The following CMIP variants were observed in gnomAD, a reference collection of about 807,000 sequenced individuals.
CMIP encodes the protein C-Maf-inducing protein.
A neutral mutation model predicts 97.3 loss-of-function variants in CMIP; 13 were observed. The ratio of observed to expected loss-of-function variants is 0.13; its 90% CI spans 0.09 to 0.21. The LOEUF is 0.21. Among genes scored for constraint, CMIP ranks in the 10% least tolerant of loss-of-function variants. The pLI is 1.00. For missense variants in CMIP, 847 were observed against 1,024.9 expected (o/e 0.83, Z 2.37); for synonymous variants, 538 against 436.3 (o/e 1.23, Z -2.91).
chr16:81,663,456 C>G (rs765676402), intron 6 of CMIP, among the ~76,000 whole-genome samples: 8 of 152,110 alleles, frequency 5.3e-5, no homozygotes, highest in Non-Finnish European at 1.2e-4. Context: ...GTAAAATGAT[C>G]GGTGGTTGCC....
chr16:81,494,788 A>G (rs907069669), intron 1 of CMIP, among the ~76,000 whole-genome samples: 6 of 152,180 alleles, frequency 3.9e-5, no homozygotes, highest in Admixed American at 2.0e-4. Flanking sequence ...GTCCCCAAAC[A>G]ACTCTGAATC....
chr16:81,587,949 CCCCCAGGCCAGCG>C (rs1404100568), intron 1 of CMIP, among the ~76,000 whole-genome samples: 1 of 152,196 alleles, frequency 6.6e-6, no homozygotes, highest in Non-Finnish European at 1.5e-5. Flanking sequence ...AAGCCTGCAG[CCCCCAGGCCAGCG>C]CTGAGGCAGG....
chr16:81,673,680 C>G (rs1468708038), intron 9 of CMIP, among the ~76,000 whole-genome samples: 3 of 152,190 alleles, frequency 2.0e-5, no homozygotes, highest in Non-Finnish European at 4.4e-5. Context: ...AGTCACTCAC[C>G]AGCTCCCATC....
At chr16:81,551,519 C>T (rs1171379566) in intron 1 of CMIP, among the ~76,000 whole-genome samples, 2 of 152,188 alleles carry the variant, frequency 1.3e-5, no homozygotes, top group East Asian at 1.9e-4. Context: ...AGGACCACGT[C>T]GGGCCAGCCA....
At chr16:81,706,493 G>T (rs1908155703) in intron 19 of CMIP, among the ~76,000 whole-genome samples, 1 of 152,196 alleles carries the variant, frequency 6.6e-6, no homozygotes, top group African/African-American at 2.4e-5. Context: ...GAGTCCCCCG[G>T]GGGGGCGCGG....
intron 1 of CMIP, among the ~76,000 whole-genome samples, chr16:81,588,355 T>G (rs950143351): frequency 7.9e-5 from 12 of 152,210 alleles, no homozygotes; most frequent in Non-Finnish European, 1.5e-4. Context: ...TTTAAGAGAT[T>G]TGGGGGAGAC....
chr16:81,627,562 G>A lies in CMIP; in HGVS notation c.477+6636G>A, dbSNP rs1484973437. On this transcript the variant is annotated intron_variant, in intron 3 of 20. Coordinates refer to ENST00000537098, the MANE Select transcript of CMIP (RefSeq NM_198390.3). This position sits in a 1 kb window ranked among gnomAD's most constrained non-coding sequence, Gnocchi z 4.6. ...TCATGGCCTGGGAGGGCTAGGGTGGGTGGGAAGCCCGCCCTCGAGACTGTC... is the reference window on the plus strand; with the variant it reads ...TCATGGCCTGGGAGGGCTAGGGTGGATGGGAAGCCCGCCCTCGAGACTGTC... 6.6e-6 allele frequency among the ~76,000 whole-genome samples: 1 copy of A among 151,874 alleles called. No homozygotes were observed. Among genetic ancestry groups the A allele is most frequent in the Non-Finnish European group, 1.5e-5 (1 of 67,898 alleles).
At chr16:81,521,906 C>G (rs545132982) in intron 1 of CMIP, among the ~76,000 whole-genome samples, 1 of 152,156 alleles carries the variant, frequency 6.6e-6, no homozygotes, top group East Asian at 1.9e-4. Flanking sequence ...TAGAATTTCT[C>G]CAAGAAAGGC....
At chr16:81,583,544 T>A (rs560834688) in intron 1 of CMIP, among the ~76,000 whole-genome samples, 4 of 152,188 alleles carry the variant, frequency 2.6e-5, no homozygotes, top group African/African-American at 9.7e-5. Flanking sequence ...AACTTGTCAA[T>A]AGAGTTTCTC....
At chr16:81,560,130 G>A (rs1217068207) in intron 1 of CMIP, among the ~76,000 whole-genome samples, 1 of 141,394 alleles carries the variant, frequency 7.1e-6, no homozygotes, top group Admixed American at 7.2e-5. Flanking sequence ...CTGGGCGACA[G>A]AGCGAGACTC....
intron 10 of CMIP, 93 bp downstream of exon 10, chr16:81,678,721 C>T (rs893474689): frequency 2.0e-5 from 13 of 638,626 alleles, no homozygotes; most frequent in Middle Eastern, 4.1e-4. Context: ...GTTCGAGCTA[C>T]GCAGGGCCGG....
At chr16:81,485,077 T>G (rs867269418) in intron 1 of CMIP, among the ~76,000 whole-genome samples, 7 of 151,886 alleles carry the variant, frequency 4.6e-5, no homozygotes, top group Admixed American at 1.3e-4. Context: ...CCCCCAGAGG[T>G]TGAGATTCAT....
chr16:81,536,376 C>T (rs997374596), intron 1 of CMIP, among the ~76,000 whole-genome samples: 20 of 152,202 alleles, frequency 1.3e-4, no homozygotes, highest in African/African-American at 3.9e-4. Flanking sequence ...GCTTGCTATT[C>T]GGTACCTCTC....
chr16:81,463,696 C>A (rs568742474), intron 1 of CMIP, among the ~76,000 whole-genome samples: 34 of 152,300 alleles, frequency 2.2e-4, no homozygotes, highest in African/African-American at 8.2e-4. Flanking sequence ...GGGCAGTGTC[C>A]CCGTGTTACA....
At chr16:81,636,557 G>T (rs570936041) in intron 3 of CMIP, among the ~76,000 whole-genome samples, 1 of 148,670 alleles carries the variant, frequency 6.7e-6, no homozygotes, top group African/African-American at 2.5e-5. Flanking sequence ...TTCCAGCCTG[G>T]GTTACAGAGT....
chr16:81,571,722 G>T (rs1350041763), intron 1 of CMIP, among the ~76,000 whole-genome samples: 2 of 152,124 alleles, frequency 1.3e-5, no homozygotes, highest in Non-Finnish European at 2.9e-5. Context: ...ACATGGCTTA[G>T]TGAGCACGTC....
intron 1 of CMIP, among the ~76,000 whole-genome samples, chr16:81,579,938 C>G (rs1289203106): frequency 1.3e-5 from 2 of 152,034 alleles, no homozygotes; most frequent in East Asian, 3.9e-4. Flanking sequence ...CCCGCCTGGG[C>G]GACAGTGCGA....
At chr16:81,669,592 A>G (rs1412416757) in intron 7 of CMIP, among the ~76,000 whole-genome samples, 1 of 110,648 alleles carries the variant, frequency 9.0e-6, no homozygotes, top group South Asian at 3.0e-4. Context: ...ACCTCCTTCC[A>G]CACCCACCTC....
At chr16:81,471,237 CAT>C (rs1006509032) in intron 1 of CMIP, among the ~76,000 whole-genome samples, 15 of 152,162 alleles carry the variant, frequency 9.9e-5, no homozygotes, top group African/African-American at 7.2e-5. Flanking sequence ...TACATGCACA[CAT>C]AGAAATACAT....
Sources: allele counts gnomAD v4.1 joint callset (sites outside exome capture counted in the v4.1 genomes callset), GRCh38; gene constraint gnomAD v4.1.1; non-coding constraint Gnocchi (gnomAD v3.1); transcripts MANE v1.5; gene names NCBI Gene and HGNC (gene_info 2026-07-23, HGNC 2026-07-21).